Variants in RBFOX1 observed in about 807,000 individuals in gnomAD.
RBFOX1 encodes RNA binding fox-1 homolog 1, also known as RNA binding protein fox-1 homolog 1.
RBFOX1 carries 8 observed loss-of-function variants against 57.7 expected under a neutral mutation model. That is an observed-to-expected ratio of 0.14 (90% confidence interval 0.08 to 0.25). RBFOX1 has a LOEUF of 0.25. RBFOX1 is among the 10% of genes least tolerant of loss of function. The pLI is 1.00. For synonymous variants in RBFOX1, 326 were observed against 222.4 expected, an observed-to-expected ratio of 1.47 and a Z score of -4.15; for missense variants, 611 against 548.5, an observed-to-expected ratio of 1.11 and a Z score of -1.14.
At chr16:6,733,314 T>C (rs1037778297) in intron 3 of RBFOX1, among the ~76,000 whole-genome samples, 2 of 152,146 alleles carry the variant, frequency 1.3e-5, no homozygotes, top group African/African-American at 4.8e-5. Context: ...GAAATATGAC[T>C]TGGGCATATA....
At chr16:6,824,559 A>G (rs2091852299) in intron 3 of RBFOX1, among the ~76,000 whole-genome samples, 3 of 152,208 alleles carry the variant, frequency 2.0e-5, no homozygotes, top group Non-Finnish European at 4.4e-5. Context: ...CTTAATAATA[A>G]TCATAATAAA....
intron 2 of RBFOX1, among the ~76,000 whole-genome samples, chr16:5,567,384 C>G (rs568388659): frequency 6.6e-6 from 1 of 152,206 alleles, no homozygotes; most frequent in South Asian, 2.1e-4. Context: ...CAAGCTCACT[C>G]TTAAGTATAG....
chr16:6,744,252 C>A (rs2073034230), intron 3 of RBFOX1, among the ~76,000 whole-genome samples: 1 of 152,000 alleles, frequency 6.6e-6, no homozygotes, highest in South Asian at 2.1e-4. Context: ...GGAGAAATAG[C>A]CAAATATTTC....
At chr16:6,999,112 G>T (rs919622807) in intron 3 of RBFOX1, among the ~76,000 whole-genome samples, 1 of 149,996 alleles carries the variant, frequency 6.7e-6, no homozygotes, top group Non-Finnish European at 1.5e-5. Context: ...CAGGTGATCC[G>T]CCCGCCTCTG....
chr16:6,788,048 C>T (rs762196421), intron 3 of RBFOX1, among the ~76,000 whole-genome samples: 13 of 152,064 alleles, frequency 8.5e-5, no homozygotes, highest in South Asian at 2.1e-4. Flanking sequence ...CATGGTGAAA[C>T]CCCATCTCTA....
chr16:7,021,912 C>G (rs1047292376), intron 3 of RBFOX1, among the ~76,000 whole-genome samples: 5 of 148,696 alleles, frequency 3.4e-5, no homozygotes, highest in Non-Finnish European at 7.5e-5. Flanking sequence ...TTCTTTCTTT[C>G]TTTTCTTTCT....
At chr16:7,009,932 C>T (rs188477091) in intron 3 of RBFOX1, among the ~76,000 whole-genome samples, 19 of 152,168 alleles carry the variant, frequency 1.2e-4, no homozygotes, top group African/African-American at 4.6e-4. Context: ...GGTTCTTTTG[C>T]CATTGGCTAC....
intron 3 of RBFOX1, among the ~76,000 whole-genome samples, chr16:5,853,989 A>G (rs1385859461): frequency 1.3e-5 from 2 of 152,198 alleles, no homozygotes; most frequent in African/African-American, 4.8e-5. Flanking sequence ...CTTATTGACT[A>G]TATTTGATCA....
intron 2 of RBFOX1, among the ~76,000 whole-genome samples, chr16:5,525,491 AT>A (rs71404528): frequency 0.29 from 22,309 of 77,506 alleles, 1,813 homozygotes; most frequent in Admixed American, 0.32. Flanking sequence ...AGCCGACACT[AT>A]TTTTTTTTTT....
chr16:7,345,254 GGT>G (rs2096974438), intron 4 of RBFOX1, among the ~76,000 whole-genome samples: 1 of 152,122 alleles, frequency 6.6e-6, no homozygotes, highest in Non-Finnish European at 1.5e-5. Context: ...TTACTGTGGT[GGT>G]GTGTTATTTC....
intron 3 of RBFOX1, among the ~76,000 whole-genome samples, chr16:6,739,315 A>T (rs966987335): frequency 6.6e-6 from 1 of 152,152 alleles, no homozygotes; most frequent in Non-Finnish European, 1.5e-5. Flanking sequence ...TGCAGACATT[A>T]AAAGGATAAT....
At chr16:6,202,822 C>T (rs2097223601) in intron 1 of RBFOX1, among the ~76,000 whole-genome samples, 1 of 152,018 alleles carries the variant, frequency 6.6e-6, no homozygotes, top group African/African-American at 2.4e-5. Context: ...GGATCTCATT[C>T]TGTTGCCCAG....
chr16:7,541,258 T>C (rs1405954642), intron 5 of RBFOX1, among the ~76,000 whole-genome samples: 1 of 152,230 alleles, frequency 6.6e-6, no homozygotes, highest in Non-Finnish European at 1.5e-5. Context: ...GTGCATTCCC[T>C]CAGAAGGAAG....
At chr16:7,019,332 A>C (rs1253236495) in intron 3 of RBFOX1, among the ~76,000 whole-genome samples, 1 of 152,176 alleles carries the variant, frequency 6.6e-6, no homozygotes, top group Non-Finnish European at 1.5e-5. Flanking sequence ...TTTTCATATA[A>C]AATGAATTCT....
At chr16:7,592,594 G>A (rs1395562261) in intron 7 of RBFOX1, among the ~76,000 whole-genome samples, 1 of 152,148 alleles carries the variant, frequency 6.6e-6, no homozygotes, top group Non-Finnish European at 1.5e-5. Flanking sequence ...CTTGCCGGGA[G>A]AGAATATAAA....
intron 3 of RBFOX1, among the ~76,000 whole-genome samples, chr16:7,015,370 C>T (rs987477669): frequency 6.6e-6 from 1 of 152,058 alleles, no homozygotes; most frequent in Admixed American, 6.5e-5. Flanking sequence ...GCATCAGAAC[C>T]ACCTCAGAGT....
intron 1 of RBFOX1, among the ~76,000 whole-genome samples, chr16:6,260,390 A>G (rs919861208): frequency 5.3e-5 from 8 of 152,130 alleles, no homozygotes; most frequent in African/African-American, 1.9e-4. Context: ...GGATGACCCC[A>G]AAATGTTGCA....
intron 2 of RBFOX1, among the ~76,000 whole-genome samples, chr16:5,550,082 T>C (rs1169502902): frequency 1.3e-5 from 2 of 152,228 alleles, no homozygotes; most frequent in Non-Finnish European, 2.9e-5. Flanking sequence ...CAAAATGTTA[T>C]GCTCAGATTG....
At chr16:6,832,197 G>C (rs1567460532) in intron 3 of RBFOX1, among the ~76,000 whole-genome samples, 1 of 152,192 alleles carries the variant, frequency 6.6e-6, no homozygotes, top group Non-Finnish European at 1.5e-5. Flanking sequence ...GTATTTGTAT[G>C]TGAGGAGCCC....
Sources: gnomAD v4.1 joint callset for allele counts (sites outside exome capture counted in the v4.1 genomes callset) on GRCh38, gnomAD v4.1.1 for gene constraint, MANE v1.5 for transcripts, NCBI Gene and HGNC (gene_info 2026-07-23, HGNC 2026-07-21) for gene names.